Variants in PHACTR2 observed in about 807,000 individuals in gnomAD.
PHACTR2 encodes the protein phosphatase and actin regulator 2, also known as chromosome 6 open reading frame 56.
A neutral mutation model predicts 76.0 loss-of-function variants in PHACTR2; 30 were observed. The observed-to-expected ratio is 0.39, with a 90% CI of 0.30 to 0.54. The LOEUF (loss-of-function observed/expected upper bound fraction) is 0.54. PHACTR2 is among the 20% of genes least tolerant of loss of function. The pLI is 0.61. For missense variants in PHACTR2, 696 were observed against 781.1 expected (o/e 0.89, Z 1.30); for synonymous variants, 292 against 292.5 (o/e 1.00, Z 0.02).
rs980304816 is a variant in PHACTR2 at position 143,543,109 on chromosome 6, T to A, written c.217+5902T>A. 2.6e-5 allele frequency among the ~76,000 whole-genome samples: 4 copies of A among 152,206 alleles called. No homozygotes were observed. Among genetic ancestry groups the A allele is most frequent in the African/African-American group, 9.7e-5 (4 of 41,446 alleles). Reference sequence around the variant, plus strand: ...AGGCCAGACACAGCAGTGTCTCTGGTGATCTAAGCTATAGGCCTTGCATCA... The same window carrying A: ...AGGCCAGACACAGCAGTGTCTCTGGAGATCTAAGCTATAGGCCTTGCATCA... On this transcript the variant is annotated intron_variant, in intron 1 of 11. Coordinates refer to the PHACTR2 transcript ENST00000367584. The surrounding 1 kb of genome is among the most constrained non-coding windows in gnomAD (Gnocchi z 4.7).
At chr6:143,712,752 A>G (rs774128687) in intron 2 of PHACTR2, among the ~76,000 whole-genome samples, 140 of 152,332 alleles carry the variant, frequency 9.2e-4, no homozygotes, top group Non-Finnish European at 9.4e-4. Flanking sequence ...TTAGATTTCT[A>G]TCATATCCTT....
At chr6:143,771,220 A>ATATG (rs1562300961) in intron 6 of PHACTR2, among the ~76,000 whole-genome samples, 1 of 101,530 alleles carries the variant, frequency 9.8e-6, no homozygotes, top group African/African-American at 4.4e-5. Context: ...ATATATATAT[A>ATATG]TATATATATA....
At chr6:143,716,825 A>C (rs889781923) in intron 2 of PHACTR2, among the ~76,000 whole-genome samples, 1 of 152,244 alleles carries the variant, frequency 6.6e-6, no homozygotes. Flanking sequence ...GACATAGCCC[A>C]AGAGCTGGGT....
At chr6:143,644,391 C>A (rs879445599) in intron 1 of PHACTR2, among the ~76,000 whole-genome samples, 4 of 149,106 alleles carry the variant, frequency 2.7e-5, no homozygotes, top group Non-Finnish European at 5.9e-5. Flanking sequence ...TGGGGTGAAC[C>A]CGGGAGGCGG....
chr6:143,612,492 C>CTAAA (rs1375821920), intron 1 of PHACTR2, among the ~76,000 whole-genome samples: 1 of 152,142 alleles, frequency 6.6e-6, no homozygotes, highest in Non-Finnish European at 1.5e-5. Context: ...TTTGCAAACT[C>CTAAA]TATTTTTTGC....
chr6:143,774,133 C>T lies in PHACTR2; in HGVS notation c.1507C>T (p.Leu503=), dbSNP rs1310078570. 1 of 1,613,832 alleles carries T rather than the reference C, an allele frequency of 6.2e-7. No homozygotes were observed. The highest frequency in any genetic ancestry group is 1.1e-5 in the South Asian group (1 of 91,062). Residue 503 remains leucine (L), a synonymous_variant, in exon 8 of 13, where the codon CTA becomes TTA. Transcript: ENST00000440869. This position sits in a 1 kb window ranked among gnomAD's most constrained non-coding sequence, Gnocchi z 5.4. The part of the protein sequence containing the change: ...KLGNRPSKKE[L]EDKNILQRTS... ...TGGCAACAGACCATCTAAGAAAGAA[C>T]TAGAGGACAAAAACATCTTGCAGCG...
intron 1 of PHACTR2, among the ~76,000 whole-genome samples, chr6:143,609,179 A>G (rs2128437185): frequency 6.6e-6 from 1 of 152,330 alleles, no homozygotes; most frequent in African/African-American, 2.4e-5. Flanking sequence ...AAGAGGTTAC[A>G]TCATTTAAAA....
At chr6:143,692,328 GT>G (rs745761559) in intron 1 of PHACTR2, among the ~76,000 whole-genome samples, 3 of 152,170 alleles carry the variant, frequency 2.0e-5, no homozygotes, top group Non-Finnish European at 2.9e-5. Context: ...CTGCCAACCT[GT>G]TTATGAAAGA....
chr6:143,697,954 T>A lies in PHACTR2; in HGVS notation c.47-14062T>A, dbSNP rs1232193642. Among the ~76,000 whole-genome samples, 1 of 152,174 alleles carries A rather than the reference T, an allele frequency of 6.6e-6. No homozygotes were observed. The highest frequency in any genetic ancestry group is 1.5e-5 in the Non-Finnish European group (1 of 68,034). Reference sequence around the variant, plus strand: ...CTTCTCAGAGAGGTAGTCTTTTTTTTAACCTACTCACTTAATAACAACAAC... The same window carrying A: ...CTTCTCAGAGAGGTAGTCTTTTTTTAAACCTACTCACTTAATAACAACAAC... On this transcript the variant is annotated intron_variant, in intron 1 of 12. Coordinates refer to ENST00000440869, the MANE Select transcript of PHACTR2 (RefSeq NM_001100164.2). The surrounding 1 kb of genome is among the most constrained non-coding windows in gnomAD (Gnocchi z 4.4).
rs1334786410 is a variant in PHACTR2 at position 143,777,040 on chromosome 6, C to G, written c.1590-288C>G. 1.3e-5 allele frequency among the ~76,000 whole-genome samples: 2 copies of G among 151,974 alleles called. No individual in the cohort carries two copies. On this transcript the variant is annotated intron_variant, in intron 8 of 12. Transcript: ENST00000440869. This position sits in a 1 kb window ranked among gnomAD's most constrained non-coding sequence, Gnocchi z 4.6. Reference sequence around the variant, plus strand: ...TCCCATTGCAGAAACTCAGTCACAGCACGATACCTGGCTTCTAGGGAGGCA... The same window carrying G: ...TCCCATTGCAGAAACTCAGTCACAGGACGATACCTGGCTTCTAGGGAGGCA...
rs547333035 is a variant in PHACTR2, at chr6:143,789,188, C to T, written c.1845+278C>T. ...TTCTCACATCCAGGATTTATCCTTA[C>T]TCTTAGAAAATATAACTTATACAAC... On this transcript the variant is annotated intron_variant, in intron 11 of 12. Coordinates refer to ENST00000440869, the MANE Select transcript of PHACTR2 (RefSeq NM_001100164.2). This position sits in a 1 kb window ranked among gnomAD's most constrained non-coding sequence, Gnocchi z 5.1. 3.8e-6 allele frequency: 1 copy of T among 266,388 alleles called. No homozygotes were observed. Among genetic ancestry groups the T allele is most frequent in the South Asian group, 1.1e-4 (1 of 9,466 alleles). 16.5% of individuals were successfully genotyped at this position (266,388 alleles called of 1,614,324 possible).
In PHACTR2 at chr6:143,821,776, A is replaced by G. The variant is rs1776423245; in HGVS notation, c.1923-1898A>G. ...TGGGAGGCCGAGGACAGATTGCTTG[A>G]GTGCAGGAGTTTGAGAACAGCCTGA... On this transcript the variant is annotated intron_variant, in intron 12 of 12. Coordinates refer to ENST00000440869, the MANE Select transcript of PHACTR2 (RefSeq NM_001100164.2). The surrounding 1 kb of genome is among the most constrained non-coding windows in gnomAD (Gnocchi z 5.2). 6.6e-6 allele frequency among the ~76,000 whole-genome samples: 1 copy of G among 152,194 alleles called. No individual in the cohort carries two copies. Among genetic ancestry groups the G allele is most frequent in the Admixed American group, 6.5e-5 (1 of 15,282 alleles).
rs992219032 is a variant in PHACTR2 at position 143,700,230 on chromosome 6, C to T, written c.47-11786C>T. ...AATGGGAATTTTTTCATAATTTTGTCTGAAACAAAATTTAGCCCCTTACTT... is the reference window on the plus strand; with the variant it reads ...AATGGGAATTTTTTCATAATTTTGTTTGAAACAAAATTTAGCCCCTTACTT... On this transcript the variant is annotated intron_variant, in intron 1 of 12. Coordinates refer to ENST00000440869, the MANE Select transcript of PHACTR2 (RefSeq NM_001100164.2). The surrounding 1 kb of genome is among the most constrained non-coding windows in gnomAD (Gnocchi z 4.1). Among the ~76,000 whole-genome samples, 20 of 151,968 alleles carry T rather than the reference C, an allele frequency of 1.3e-4. No homozygotes were observed.
chr6:143,565,604 C>CA lies in PHACTR2; in HGVS notation c.217+28416dup, dbSNP rs556657528. On this transcript the variant is annotated intron_variant, in intron 1 of 11. Transcript: ENST00000367584. ...TGGGTGACAGAGCGAGACTCCGTCTCAAAAAAAAAAAAAAAAAAAGAGTGC... is the reference window on the plus strand; with the variant it reads ...TGGGTGACAGAGCGAGACTCCGTCTCAAAAAAAAAAAAAAAAAAAAGAGTGC... Among the ~76,000 whole-genome samples the CA allele has an allele frequency of 5.8e-3, 615 of 105,874 alleles. 7 individuals are homozygous for CA. The highest frequency in any genetic ancestry group is 0.019 in the East Asian group (67 of 3,558). The allele number at this position is 105,874 out of a possible 152,430, so 69.5% of individuals were successfully genotyped here.
In PHACTR2 at chr6:143,788,810, G is replaced by A. The variant is rs908882595; in HGVS notation, c.1745G>A (p.Arg582Gln). The A allele has an allele frequency of 7.4e-6, 12 of 1,613,410 alleles. No individual in the cohort carries two copies. Among genetic ancestry groups the A allele is most frequent in the African/African-American group, 2.7e-5 (2 of 74,890 alleles). Residue 582 changes from arginine to glutamine, a missense_variant, in exon 11 of 13, where the codon CGA becomes CAA. Coordinates refer to ENST00000440869, the MANE Select transcript of PHACTR2 (RefSeq NM_001100164.2). ...LRPTVAELQA[R>Q]RILRFNEYVE... ...CCCACAGTGGCAGAGCTACAAGCTC[G>A]AAGGATCCTGCGATTTAACGAGTAT...
In PHACTR2 at chr6:143,583,319, A is replaced by G. The variant is rs1468901768; in HGVS notation, c.217+46112A>G. ...ATGTGAGAATGGGTTACAGAAACAC[A>G]TGCTAGCAGCAGTCCTCAGATTGTT... On this transcript the variant is annotated intron_variant, in intron 1 of 11. Coordinates refer to the PHACTR2 transcript ENST00000367584. The surrounding 1 kb of genome is among the most constrained non-coding windows in gnomAD (Gnocchi z 4.0). Among the ~76,000 whole-genome samples the G allele has an allele frequency of 1.3e-5, 2 of 152,258 alleles. No individual in the cohort carries two copies. Among genetic ancestry groups the G allele is most frequent in the African/African-American group, 4.8e-5 (2 of 41,462 alleles).
At chr6:143,786,069 G>A (rs112440708) in intron 10 of PHACTR2, among the ~76,000 whole-genome samples, 1,884 of 152,300 alleles carry the variant, frequency 0.012, 40 homozygotes, top group African/African-American at 0.044. Context: ...CAAAAAATGG[G>A]TTCTTTTCTG....
rs1223587555 is a variant in PHACTR2 at position 143,796,148 on chromosome 6, G to C, written c.1845+7238G>C. Among the ~76,000 whole-genome samples the C allele has an allele frequency of 2.0e-5, 3 of 152,172 alleles. No individual in the cohort carries two copies. In the East Asian group the frequency reaches 5.8e-4, roughly 29 times the overall value. ...GGTCCTAAGAAAGCCTGAGATTTTTGTTGTCCCTAAGCTATTCTTTGCCCT... is the reference window on the plus strand; with the variant it reads ...GGTCCTAAGAAAGCCTGAGATTTTTCTTGTCCCTAAGCTATTCTTTGCCCT... On this transcript the variant is annotated intron_variant, in intron 11 of 12. Coordinates refer to ENST00000440869, the MANE Select transcript of PHACTR2 (RefSeq NM_001100164.2).
chr6:143,542,655 G>A (rs1352344283), intron 1 of PHACTR2, among the ~76,000 whole-genome samples: 3 of 152,060 alleles, frequency 2.0e-5, no homozygotes, highest in Non-Finnish European at 4.4e-5. Context: ...GGCACATCAG[G>A]GGTCCTACCT....
Sources: allele counts gnomAD v4.1 joint callset (sites outside exome capture counted in the v4.1 genomes callset), GRCh38; gene constraint gnomAD v4.1.1; non-coding constraint Gnocchi (gnomAD v3.1); transcripts MANE v1.5; gene names NCBI Gene and HGNC (gene_info 2026-07-23, HGNC 2026-07-21).